USH2A: variants seen among roughly 807,000 people sequenced by gnomAD.
USH2A encodes usherin.
USH2A carries 443 observed loss-of-function variants against 538.9 expected under a neutral mutation model. That is an observed-to-expected ratio of 0.82 (90% CI 0.76 to 0.89). The LOEUF (loss-of-function observed/expected upper bound fraction) is 0.89. Ranked by LOEUF, USH2A falls within the 40% of genes least tolerant of loss-of-function variation. USH2A has a pLI of 0.00. For synonymous variants in USH2A, 2,413 were observed against 2,273.5 expected (o/e 1.06, Z -1.75); for missense variants, 6,633 against 6,324.8 (o/e 1.05, Z -1.65).
intron 5 of USH2A, among the ~76,000 whole-genome samples, chr1:216,326,944 A>G (rs1382493242): frequency 6.6e-6 from 1 of 152,186 alleles, no homozygotes; most frequent in East Asian, 1.9e-4. Context: ...GTTCAAAGGC[A>G]TCCTAAGCAG....
At chr1:215,629,129 A>C in intron 70 of USH2A, 94 bp from the exon 71 acceptor site, 1 of 1,273,306 alleles carries the variant, frequency 7.9e-7, no homozygotes, top group Non-Finnish European at 1.1e-6. Context: ...CAGTGAAGGG[A>C]ATGACTGTCT....
chr1:216,052,598 T>G (rs2030827923), intron 30 of USH2A, among the ~76,000 whole-genome samples: 1 of 152,128 alleles, frequency 6.6e-6, no homozygotes. Flanking sequence ...TTAAAGGCAG[T>G]TAGAATTACC....
chr1:215,848,917 G>C (rs1382754748), intron 44 of USH2A, among the ~76,000 whole-genome samples: 6 of 152,122 alleles, frequency 3.9e-5, no homozygotes, highest in Non-Finnish European at 8.8e-5. Flanking sequence ...CTCTTCCTAA[G>C]TCAGTGAACC....
intron 61 of USH2A, among the ~76,000 whole-genome samples, chr1:215,719,159 T>C (rs369389166): frequency 6.6e-6 from 1 of 152,244 alleles, no homozygotes; most frequent in African/African-American, 2.4e-5. Flanking sequence ...TGTCTGTGTG[T>C]GTGTGTGACT....
chr1:216,354,212 C>T (rs539889256), intron 4 of USH2A, among the ~76,000 whole-genome samples: 1 of 152,240 alleles, frequency 6.6e-6, no homozygotes, highest in South Asian at 2.1e-4. Context: ...ACTGCCCACC[C>T]CCATTCAAAA....
At chr1:215,821,502 C>T (rs1452560221) in intron 47 of USH2A, among the ~76,000 whole-genome samples, 1 of 151,466 alleles carries the variant, frequency 6.6e-6, no homozygotes, top group Non-Finnish European at 1.5e-5. Flanking sequence ...TTATATATCC[C>T]AGTTATTAAT....
intron 40 of USH2A, among the ~76,000 whole-genome samples, chr1:215,891,793 G>A (rs1037916897): frequency 6.6e-6 from 1 of 152,114 alleles, no homozygotes; most frequent in Non-Finnish European, 1.5e-5. Flanking sequence ...TGTCACTGGA[G>A]GGGAGACTGG....
At chr1:215,824,856 A>G (rs531197134) in intron 47 of USH2A, among the ~76,000 whole-genome samples, 1 of 152,228 alleles carries the variant, frequency 6.6e-6, no homozygotes, top group Admixed American at 6.5e-5. Context: ...TATATTGGGG[A>G]GATGGGCATT....
chr1:216,120,424 G>C (rs567907912), intron 21 of USH2A, among the ~76,000 whole-genome samples: 20 of 151,764 alleles, frequency 1.3e-4, no homozygotes, highest in African/African-American at 4.8e-4. Flanking sequence ...CTGTCACCCA[G>C]GCTGGAGTGC....
intron 38 of USH2A, among the ~76,000 whole-genome samples, chr1:215,931,015 A>C (rs1169096799): frequency 1.3e-5 from 2 of 152,008 alleles, no homozygotes; most frequent in Non-Finnish European, 2.9e-5. Flanking sequence ...AAATATAGTA[A>C]TTGTAGAAAT....
chr1:216,036,736 T>C (rs1388492319), intron 32 of USH2A, among the ~76,000 whole-genome samples: 1 of 152,110 alleles, frequency 6.6e-6, no homozygotes, highest in East Asian at 1.9e-4. Flanking sequence ...ATGTTTCAGT[T>C]TGCAAATTTT....
intron 50 of USH2A, among the ~76,000 whole-genome samples, chr1:215,796,026 T>TAGTG (rs375086377): frequency 0.41 from 61,526 of 151,758 alleles, 12,599 homozygotes; most frequent in African/African-American, 0.47. Context: ...AAATAAAAAA[T>TAGTG]AGAAGAATGA....
At chr1:215,748,999 C>A (rs1660555513) in intron 58 of USH2A, among the ~76,000 whole-genome samples, 1 of 152,170 alleles carries the variant, frequency 6.6e-6, no homozygotes, top group South Asian at 2.1e-4. Context: ...GCTATTCCAA[C>A]TACAAATAAA....
intron 49 of USH2A, among the ~76,000 whole-genome samples, chr1:215,799,673 C>T (rs1326186411): frequency 6.6e-6 from 1 of 151,814 alleles, no homozygotes; most frequent in African/African-American, 2.4e-5. Flanking sequence ...ACATGACAGT[C>T]TGGGAAATTT....
chr1:216,264,021 C>A (rs993957189), intron 11 of USH2A, among the ~76,000 whole-genome samples: 1 of 151,716 alleles, frequency 6.6e-6, no homozygotes. Flanking sequence ...GCTAAAAAAA[C>A]AAAAATACTG....
intron 70 of USH2A, among the ~76,000 whole-genome samples, chr1:215,630,482 G>GTATATA (rs1158726890): frequency 1.8e-3 from 41 of 22,514 alleles, no homozygotes; most frequent in East Asian, 4.3e-3. Context: ...ATGTGTGTGT[G>GTATATA]TATATATATA....
chr1:216,228,940 G>A (rs1162763989), intron 14 of USH2A, among the ~76,000 whole-genome samples: 2 of 152,040 alleles, frequency 1.3e-5, no homozygotes, highest in Non-Finnish European at 2.9e-5. Flanking sequence ...TTGGGAGGCC[G>A]AGGTGGGCGG....
At chr1:216,198,675 G>A in intron 17 of USH2A, 91 bp from the exon 18 acceptor site, 1 of 1,157,732 alleles carries the variant, frequency 8.6e-7, no homozygotes, top group Non-Finnish European at 1.2e-6. Flanking sequence ...AAAGAGTGCT[G>A]GATATTCATT....
chr1:216,044,715 AC>A (rs1468173349), intron 32 of USH2A, among the ~76,000 whole-genome samples: 2 of 152,266 alleles, frequency 1.3e-5, no homozygotes, highest in Non-Finnish European at 2.9e-5. Flanking sequence ...TTTTAAGACC[AC>A]ATTCTTCAAC....
Sources: allele counts gnomAD v4.1 joint callset (sites outside exome capture counted in the v4.1 genomes callset), GRCh38; gene constraint gnomAD v4.1.1; transcripts MANE v1.5; gene names NCBI Gene and HGNC (gene_info 2026-07-23, HGNC 2026-07-21).